Variants in DEPTOR observed in about 807,000 individuals in gnomAD.
The protein encoded by DEPTOR is DEP domain containing MTOR interacting protein.
In DEPTOR, 41 loss-of-function variants were observed where a neutral mutation model predicts 41.6. The observed-to-expected ratio is 0.98, with a 90% CI of 0.77 to 1.28. The LOEUF (loss-of-function observed/expected upper bound fraction) is 1.28, where lower values mean the gene tolerates loss of function less well. Ranked by LOEUF, DEPTOR falls within the 50% of genes most tolerant of loss-of-function variation. DEPTOR has a pLI of 0.00. For synonymous variants in DEPTOR, 195 were observed against 192.3 expected (o/e 1.01, Z -0.12); for missense variants, 514 against 527.9 (o/e 0.97, Z 0.26).
At chr8:119,987,335 C>T (rs982505315) in intron 4 of DEPTOR, among the ~76,000 whole-genome samples, 8 of 152,206 alleles carry the variant, frequency 5.3e-5, no homozygotes, top group Non-Finnish European at 1.0e-4. Flanking sequence ...TCCAGACCCT[C>T]TTTGCCTGGG....
intron 1 of DEPTOR, among the ~76,000 whole-genome samples, chr8:119,901,501 C>T (rs534851244): frequency 6.6e-6 from 1 of 151,924 alleles, no homozygotes; most frequent in African/African-American, 2.4e-5. Context: ...ACAGTGAAGC[C>T]CCATCTCTAC....
Position 120,045,575 on chromosome 8 carries a change from AT to A in DEPTOR, c.1102-4000del, listed in dbSNP as rs1226960083. On this transcript the variant is annotated intron_variant, in intron 8 of 8. Coordinates refer to ENST00000286234, the MANE Select transcript of DEPTOR (RefSeq NM_022783.4). ...ATTTTTGTAGAAACAGAGTTTCGCC[AT>A]GTTGCCTAGGCTGGACTTGAACTCC... Among the ~76,000 whole-genome samples the A allele has an allele frequency of 3.9e-5, 6 of 152,214 alleles. No individual in the cohort carries two copies. In the South Asian group the frequency reaches 8.3e-4, roughly 21 times the overall value.
At chr8:119,956,740 G>GT (rs71571641) in intron 3 of DEPTOR, among the ~76,000 whole-genome samples, 48,570 of 92,374 alleles carry the variant, frequency 0.53, 10,330 homozygotes, top group South Asian at 0.59. Flanking sequence ...TTTTTTTTTT[G>GT]TTTTTTTTTT....
At chr8:120,031,668 C>T (rs1299768067) in intron 8 of DEPTOR, among the ~76,000 whole-genome samples, 4 of 152,046 alleles carry the variant, frequency 2.6e-5, no homozygotes, top group African/African-American at 9.7e-5. Flanking sequence ...AGTGATGCCT[C>T]TAAGTCTCTA....
intron 3 of DEPTOR, among the ~76,000 whole-genome samples, chr8:119,941,312 G>A (rs999875665): frequency 1.5e-5 from 2 of 137,630 alleles, no homozygotes; most frequent in Non-Finnish European, 3.0e-5. Flanking sequence ...GGCAGAGATT[G>A]CAGTGAGCAG....
chr8:120,039,845 A>G (rs1028746863), intron 8 of DEPTOR, among the ~76,000 whole-genome samples: 1 of 151,962 alleles, frequency 6.6e-6, no homozygotes, highest in Non-Finnish European at 1.5e-5. Flanking sequence ...ATTGTTTTTT[A>G]TTTGTTTTTT....
intron 4 of DEPTOR, among the ~76,000 whole-genome samples, chr8:119,987,091 C>T (rs953505173): frequency 1.3e-5 from 2 of 151,958 alleles, no homozygotes; most frequent in African/African-American, 2.4e-5. Flanking sequence ...GAGTTGTGAT[C>T]CTTTGGAGGA....
intron 1 of DEPTOR, among the ~76,000 whole-genome samples, chr8:119,905,611 C>G (rs1423361662): frequency 1.4e-5 from 2 of 147,850 alleles, no homozygotes; most frequent in Non-Finnish European, 3.0e-5. Context: ...AGATTTTTCC[C>G]CAATATGGGC....
chr8:119,967,339 CAAAGTGCTGGGA>C (rs1828575116), intron 4 of DEPTOR, among the ~76,000 whole-genome samples: 1 of 151,424 alleles, frequency 6.6e-6, no homozygotes, highest in Non-Finnish European at 1.5e-5. Context: ...CTCAGCCTTC[CAAAGTGCTGGGA>C]TTACAAGTGT....
chr8:119,924,781 G>C (rs9987142), intron 1 of DEPTOR, among the ~76,000 whole-genome samples: 42,700 of 151,570 alleles, frequency 0.28, 6,413 homozygotes, highest in Middle Eastern at 0.39. Context: ...GTGCAGGTTT[G>C]TTACATGAAT....
chr8:120,035,860 A>G (rs1352808050), intron 8 of DEPTOR, among the ~76,000 whole-genome samples: 1 of 152,222 alleles, frequency 6.6e-6, no homozygotes, highest in Non-Finnish European at 1.5e-5. Flanking sequence ...TATAACGTTC[A>G]GAAACCACCA....
chr8:119,988,959 T>C (rs1235979019), intron 4 of DEPTOR, among the ~76,000 whole-genome samples: 2 of 23,000 alleles, frequency 8.7e-5, no homozygotes, highest in Non-Finnish European at 1.4e-4. Context: ...TTTTTTTTTC[T>C]TTTTTTTTTT....
chr8:119,940,055 T>A (rs1320632051), intron 3 of DEPTOR, among the ~76,000 whole-genome samples: 1 of 151,826 alleles, frequency 6.6e-6, no homozygotes, highest in Non-Finnish European at 1.5e-5. Flanking sequence ...CTGTCCCTAC[T>A]AAAAATTCAA....
intron 8 of DEPTOR, among the ~76,000 whole-genome samples, chr8:120,009,505 C>A (rs889934583): frequency 2.6e-5 from 4 of 152,038 alleles, no homozygotes; most frequent in African/African-American, 9.7e-5. Context: ...CCCAGCTACT[C>A]AGGAGGCTGA....
chr8:119,941,281 G>C (rs1419816607), intron 3 of DEPTOR, among the ~76,000 whole-genome samples: 1 of 143,902 alleles, frequency 6.9e-6, no homozygotes, highest in Non-Finnish European at 1.5e-5. Context: ...GCTGAGGCGA[G>C]AGAATCACTT....
intron 1 of DEPTOR, among the ~76,000 whole-genome samples, chr8:119,901,694 A>T: frequency 6.7e-6 from 1 of 148,988 alleles, no homozygotes; most frequent in East Asian, 1.9e-4. Context: ...AAAAAAAAAA[A>T]GAACGAAAGA....
intron 3 of DEPTOR, among the ~76,000 whole-genome samples, chr8:119,953,238 A>G (rs946204479): frequency 9.2e-5 from 14 of 152,212 alleles, no homozygotes; most frequent in Non-Finnish European, 1.6e-4. Context: ...ATACAGGGGA[A>G]ATTGTCCATT....
chr8:119,995,212 CAGAT>C (rs1812240751), intron 4 of DEPTOR, among the ~76,000 whole-genome samples: 1 of 152,100 alleles, frequency 6.6e-6, no homozygotes, highest in Non-Finnish European at 1.5e-5. Context: ...CCCAAATACT[CAGAT>C]AGTAAATGTG....
At chr8:119,923,954 T>C (rs554545118) in intron 1 of DEPTOR, among the ~76,000 whole-genome samples, 2 of 151,398 alleles carry the variant, frequency 1.3e-5, no homozygotes, top group East Asian at 1.9e-4. Flanking sequence ...CTTTTCCCCA[T>C]GATGTTTATG....
Sources: gnomAD v4.1 joint callset for allele counts (sites outside exome capture counted in the v4.1 genomes callset) on GRCh38, gnomAD v4.1.1 for gene constraint, MANE v1.5 for transcripts, NCBI Gene and HGNC (gene_info 2026-07-23, HGNC 2026-07-21) for gene names.